The following ABLIM3 variants were observed in gnomAD, a reference collection of about 807,000 sequenced individuals.
ABLIM3 encodes actin binding LIM protein family member 3.
Under a neutral mutation model 109.5 loss-of-function variants are expected in ABLIM3, and 61 were observed. The ratio of observed to expected loss-of-function variants is 0.56; its 90% CI spans 0.45 to 0.69. The LOEUF (loss-of-function observed/expected upper bound fraction) is 0.69, where lower values mean the gene tolerates loss of function less well. ABLIM3 is among the 30% of genes least tolerant of loss of function. ABLIM3 has a pLI of 0.00. For synonymous variants in ABLIM3, 300 were observed against 324.8 expected (o/e 0.92, Z 0.82); for missense variants, 796 against 889.5 (o/e 0.89, Z 1.34).
Position 149,142,051 on chromosome 5 carries a change from C to T in ABLIM3, c.-45C>T, listed in dbSNP as rs901445003. Reference sequence around the variant, plus strand: ...AAGAACGGAAGATTTAAAAAGCAGCCGGGGCCTCCGTATTGAATGAAAGAC... The same window carrying T: ...AAGAACGGAAGATTTAAAAAGCAGCTGGGGCCTCCGTATTGAATGAAAGAC... On this transcript the variant is annotated 5_prime_UTR_variant, in exon 2 of 24. Coordinates refer to ENST00000309868, the MANE Select transcript of ABLIM3 (RefSeq NM_014945.5). The T allele has an allele frequency of 5.1e-6, 8 of 1,570,964 alleles. No individual in the cohort carries two copies. The highest frequency in any genetic ancestry group is 6.9e-6 in the Non-Finnish European group (8 of 1,152,786).
At chr5:149,230,442 C>G (rs761431905) in intron 8 of ABLIM3, among the ~76,000 whole-genome samples, 25 of 152,166 alleles carry the variant, frequency 1.6e-4, no homozygotes, top group Non-Finnish European at 2.8e-4. Flanking sequence ...CCTTTAGGAA[C>G]AGGTAGGATT....
Position 149,240,670 on chromosome 5 carries a change from C to T in ABLIM3, c.1205-6C>T. 6.2e-7 allele frequency: 1 copy of T among 1,613,076 alleles called. No homozygotes were observed. The highest frequency in any genetic ancestry group is 8.5e-7 in the Non-Finnish European group (1 of 1,179,262). Reference sequence around the variant, plus strand: ...TTCTTTGGCGACCACTTCCTGCGTGCTCCAGGGCCCGAGAGTGGCCGGAGC... The same window carrying T: ...TTCTTTGGCGACCACTTCCTGCGTGTTCCAGGGCCCGAGAGTGGCCGGAGC... On this transcript the variant is annotated splice_polypyrimidine_tract_variant and splice_region_variant and intron_variant, in intron 13 of 23. Coordinates refer to ENST00000309868, the MANE Select transcript of ABLIM3 (RefSeq NM_014945.5).
chr5:149,253,422 A>AC (rs1190969767), intron 23 of ABLIM3, among the ~76,000 whole-genome samples: 2 of 152,180 alleles, frequency 1.3e-5, no homozygotes, highest in Non-Finnish European at 1.5e-5. Flanking sequence ...TCTTCTCTGT[A>AC]AAGTGAGGGT....
At chr5:149,171,763 C>T (rs146721969) in intron 2 of ABLIM3, among the ~76,000 whole-genome samples, 22 of 152,346 alleles carry the variant, frequency 1.4e-4, no homozygotes, top group African/African-American at 5.0e-4. Context: ...CACTGACAGA[C>T]ATCCTTGAGG....
intron 2 of ABLIM3, among the ~76,000 whole-genome samples, chr5:149,153,796 A>G (rs1753644579): frequency 6.6e-6 from 1 of 152,078 alleles, no homozygotes; most frequent in African/African-American, 2.4e-5. Flanking sequence ...TGGCTCCCTA[A>G]ACATCTCTTA....
chr5:149,243,354 C>T (rs1241830135), intron 15 of ABLIM3: 2 of 152,210 alleles, frequency 1.3e-5, no homozygotes, highest in African/African-American at 4.8e-5. Flanking sequence ...CTTACTAAGC[C>T]TCGATTGAAG....
At chr5:149,230,022 A>G (rs943459725) in intron 8 of ABLIM3, among the ~76,000 whole-genome samples, 1 of 152,234 alleles carries the variant, frequency 6.6e-6, no homozygotes, top group African/African-American at 2.4e-5. Flanking sequence ...TAGCTCTGGT[A>G]GACAGTCATA....
chr5:149,201,238 CCACACA>C (rs1300781027), intron 5 of ABLIM3, among the ~76,000 whole-genome samples: 1 of 152,106 alleles, frequency 6.6e-6, no homozygotes. Flanking sequence ...CTGCACATGC[CCACACA>C]CACATAGACC....
chr5:149,157,314 A>C (rs1753939895), intron 2 of ABLIM3, among the ~76,000 whole-genome samples: 1 of 152,200 alleles, frequency 6.6e-6, no homozygotes, highest in South Asian at 2.1e-4. Flanking sequence ...ATTCCATGCC[A>C]ACACTTCAGT....
rs149309092 is a variant in ABLIM3 at position 149,258,398 on chromosome 5, G to A, written c.2046G>A (p.Leu682=). 2.1e-4 allele frequency: 346 copies of A among 1,613,794 alleles called. No individual in the cohort carries two copies. The African/African-American group carries it at 4.3e-3, about 20-fold the overall frequency. ...KRNELKKQAR[L]F ...ATGAACTGAAGAAGCAAGCCCGGCTGTTCTAGGCAGAGGCTCTATAAATAT... is the reference window on the plus strand; with the variant it reads ...ATGAACTGAAGAAGCAAGCCCGGCTATTCTAGGCAGAGGCTCTATAAATAT... Residue 682 remains leucine (L), a synonymous_variant, in exon 24 of 24, where the codon CTG becomes CTA. Coordinates refer to ENST00000309868, the MANE Select transcript of ABLIM3 (RefSeq NM_014945.5).
At chr5:149,153,140 G>A (rs1450107256) in intron 2 of ABLIM3, among the ~76,000 whole-genome samples, 2 of 152,026 alleles carry the variant, frequency 1.3e-5, no homozygotes, top group Non-Finnish European at 2.9e-5. Context: ...CTGCTAAGAT[G>A]GCTACTAGAA....
chr5:149,170,221 G>A (rs1755257389), intron 2 of ABLIM3, among the ~76,000 whole-genome samples: 1 of 96,032 alleles, frequency 1.0e-5, no homozygotes, highest in South Asian at 3.8e-4. Flanking sequence ...TTCATTCAGG[G>A]TTCTGTTTCT....
intron 23 of ABLIM3, among the ~76,000 whole-genome samples, chr5:149,257,149 C>CA (rs1195308079): frequency 6.6e-6 from 1 of 152,092 alleles, no homozygotes; most frequent in Non-Finnish European, 1.5e-5. Flanking sequence ...TACTAAAATA[C>CA]AAAAAAATTA....
intron 8 of ABLIM3, among the ~76,000 whole-genome samples, chr5:149,224,662 C>A (rs1358513094): frequency 6.6e-6 from 1 of 152,230 alleles, no homozygotes; most frequent in Non-Finnish European, 1.5e-5. Context: ...TAGATCCTGG[C>A]ACACAGATTA....
chr5:149,152,746 A>G (rs999445964), intron 2 of ABLIM3, among the ~76,000 whole-genome samples: 2 of 152,134 alleles, frequency 1.3e-5, no homozygotes, highest in Non-Finnish European at 2.9e-5. Context: ...GAGAACATCT[A>G]GTCAACAGCA....
chr5:149,209,471 G>A (rs1324626720), intron 6 of ABLIM3, among the ~76,000 whole-genome samples: 1 of 152,224 alleles, frequency 6.6e-6, no homozygotes, highest in African/African-American at 2.4e-5. Flanking sequence ...GTAGGGTTGT[G>A]TAAGGGCTCA....
chr5:149,148,656 C>T lies in ABLIM3; in HGVS notation c.13+6548C>T, dbSNP rs78893754. Among the ~76,000 whole-genome samples the T allele has an allele frequency of 0.011, 1,685 of 152,300 alleles. 91 individuals are homozygous for T. In the East Asian group the frequency reaches 0.15, roughly 14 times the overall value. On this transcript the variant is annotated intron_variant, in intron 2 of 23. Transcript: ENST00000309868. Reference sequence around the variant, plus strand: ...GCTTAAAGTGAGGCTCCCATGCTCCCAGGGTGAGAAAGGAAACTCCTCAGC... The same window carrying T: ...GCTTAAAGTGAGGCTCCCATGCTCCTAGGGTGAGAAAGGAAACTCCTCAGC...
intron 2 of ABLIM3, among the ~76,000 whole-genome samples, chr5:149,170,228 T>TTTTCTCTCTCTCTCTC (rs1554082423): frequency 2.2e-4 from 27 of 124,660 alleles, no homozygotes; most frequent in African/African-American, 7.5e-4. Flanking sequence ...AGGGTTCTGT[T>TTTTCTCTCTCTCTCTC]TCTCTCTCTC....
chr5:149,249,935 A>G, intron 19 of ABLIM3, 91 bp downstream of exon 19: 2 of 1,469,068 alleles, frequency 1.4e-6, no homozygotes, highest in Non-Finnish European at 1.9e-6. Flanking sequence ...TAATGACCAT[A>G]CAATGTGGAT....
Sources: gnomAD v4.1 joint callset for allele counts (sites outside exome capture counted in the v4.1 genomes callset) on GRCh38, gnomAD v4.1.1 for gene constraint, MANE v1.5 for transcripts, NCBI Gene and HGNC (gene_info 2026-07-23, HGNC 2026-07-21) for gene names.